Variants in APOLD1 observed in about 807,000 individuals in gnomAD.
The protein encoded by APOLD1 is apolipoprotein L domain-containing protein 1.
A neutral mutation model predicts 15.3 loss-of-function variants in APOLD1; 22 were observed. The observed-to-expected ratio is 1.44, with a 90% confidence interval of 1.03 to 2.05. The LOEUF (loss-of-function observed/expected upper bound fraction) is 2.05. Ranked by LOEUF, APOLD1 falls within the 30% of genes most tolerant of loss-of-function variation. The pLI, the probability that APOLD1 is intolerant of heterozygous loss-of-function variation, is 0.00. For synonymous variants in APOLD1, 190 were observed against 167.4 expected (o/e 1.13, Z -1.04); for missense variants, 394 against 353.5 (o/e 1.11, Z -0.92).
intron 1 of APOLD1, among the ~76,000 whole-genome samples, chr12:12,746,233 C>A (rs1246634913): frequency 6.6e-6 from 1 of 152,224 alleles, no homozygotes; most frequent in South Asian, 2.1e-4. Flanking sequence ...CAGTGGCTCA[C>A]GCCTGTAATC....
At chr12:12,784,717 C>T (rs184560676), upstream of APOLD1, among the ~76,000 whole-genome samples, 13 of 152,232 alleles carry the variant, frequency 8.5e-5, no homozygotes, top group Admixed American at 7.8e-4. Flanking sequence ...GATTTGGGGA[C>T]ATGTAGTAGG....
chr12:12,747,806 AG>A (rs1311165165), intron 1 of APOLD1, among the ~76,000 whole-genome samples: 3 of 152,248 alleles, frequency 2.0e-5, no homozygotes, highest in Non-Finnish European at 2.9e-5. Flanking sequence ...GGGAGAAGCA[AG>A]TGAACACACA....
At chr12:12,747,776 A>G (rs1434888523) in intron 1 of APOLD1, among the ~76,000 whole-genome samples, 1 of 152,242 alleles carries the variant, frequency 6.6e-6, no homozygotes, top group East Asian at 1.9e-4. Flanking sequence ...AATGTAAGAA[A>G]AAAGGAAGGA....
At chr12:12,739,408 T>C (rs974316110) in intron 1 of APOLD1, among the ~76,000 whole-genome samples, 8 of 152,204 alleles carry the variant, frequency 5.3e-5, no homozygotes, top group Admixed American at 4.6e-4. Flanking sequence ...GAAGTTACTA[T>C]GTTTTCTGAA....
At position 12,761,828 on chromosome 12, in the gene APOLD1, T is replaced by TAGAGAGAGAGAGAGAG. The variant is rs1335110034; in HGVS notation, c.97-25080_97-25079insGAGAGAGAGAGAGAGA. 3.2e-3 allele frequency among the ~76,000 whole-genome samples: 66 copies of TAGAGAGAGAGAGAGAG among 20,680 alleles called. No homozygotes were observed. The Middle Eastern group carries it at 0.065, about 20-fold the overall frequency. The allele number at this position is 20,680 out of a possible 152,430, so 13.6% of individuals were successfully genotyped here. A position where few individuals can be genotyped will look rare whatever the true frequency, so the allele number is the denominator to read the frequency against. On this transcript the variant is annotated intron_variant, in intron 1 of 1. Transcript: ENST00000326765. ...ATGAACATATACATATATGTATATG[T>TAGAGAGAGAGAGAGAG]ATAGAGAGAGAGAGAGAGAGAGAGA...
chr12:12,773,585 A>C (rs979153169), intron 1 of APOLD1, among the ~76,000 whole-genome samples: 5 of 152,190 alleles, frequency 3.3e-5, no homozygotes, highest in African/African-American at 9.7e-5. Context: ...GTAGGAGAAA[A>C]GATTATAAAA....
chr12:12,729,698 C>T (rs549684722), intron 1 of APOLD1, among the ~76,000 whole-genome samples: 16 of 151,868 alleles, frequency 1.1e-4, no homozygotes, highest in East Asian at 5.8e-4. Flanking sequence ...AGTTCAGGGC[C>T]GCAGCTCAGG....
At position 12,790,703 on chromosome 12, in the gene APOLD1, C is replaced by G. The variant is rs2136405381; in HGVS notation, c.*3051C>G. The G allele has an allele frequency of 6.6e-6, 1 of 152,284 alleles. No individual in the cohort carries two copies. The highest frequency in any genetic ancestry group is 2.4e-5 in the African/African-American group (1 of 41,540). 9.4% of individuals were successfully genotyped at this position (152,284 alleles called of 1,614,324 possible). ...AATACATTTGAATAATTATAATTAA[C>G]TGTTTAGCTATCTTAATGAGAATTT... On this transcript the variant is annotated 3_prime_UTR_variant, in exon 2 of 2. Transcript: ENST00000356591.
intron 1 of APOLD1, among the ~76,000 whole-genome samples, chr12:12,786,236 G>A (rs1037576651): frequency 6.6e-6 from 1 of 152,120 alleles, no homozygotes; most frequent in African/African-American, 2.4e-5. Flanking sequence ...CAAGCACCCA[G>A]CAAAGACTGA....
intron 1 of APOLD1, among the ~76,000 whole-genome samples, chr12:12,728,597 G>T (rs1345640955): frequency 6.8e-6 from 1 of 146,526 alleles, no homozygotes; most frequent in Non-Finnish European, 1.5e-5. Context: ...GAGCCTGGAA[G>T]GCTGAGGTTG....
At chr12:12,729,741 C>G (rs1176104115) in intron 1 of APOLD1, among the ~76,000 whole-genome samples, 1 of 151,932 alleles carries the variant, frequency 6.6e-6, no homozygotes, top group African/African-American at 2.4e-5. Flanking sequence ...TACTGCACTC[C>G]AGCCTGGCAG....
intron 1 of APOLD1, among the ~76,000 whole-genome samples, chr12:12,750,013 T>G (rs1946797633): frequency 6.6e-6 from 1 of 152,098 alleles, no homozygotes; most frequent in South Asian, 2.1e-4. Flanking sequence ...GCTGTACTTG[T>G]CAAAAGATCC....
intron 1 of APOLD1, among the ~76,000 whole-genome samples, chr12:12,769,949 T>C (rs185026853): frequency 1.3e-5 from 2 of 152,238 alleles, no homozygotes; most frequent in East Asian, 3.9e-4. Flanking sequence ...CAAAACATCA[T>C]GCCTGGCTAT....
At chr12:12,740,340 C>T (rs1946721752) in intron 1 of APOLD1, among the ~76,000 whole-genome samples, 1 of 152,188 alleles carries the variant, frequency 6.6e-6, no homozygotes, top group South Asian at 2.1e-4. Flanking sequence ...TGGTCTTGAA[C>T]TCCTGACCTC....
intron 1 of APOLD1, among the ~76,000 whole-genome samples, chr12:12,747,946 T>A (rs1946779367): frequency 6.6e-6 from 1 of 152,146 alleles, no homozygotes; most frequent in Non-Finnish European, 1.5e-5. Context: ...TAGGTTTTTG[T>A]GGTGGTGCAT....
At chr12:12,749,962 C>A (rs7302962) in intron 1 of APOLD1, among the ~76,000 whole-genome samples, 42,576 of 151,910 alleles carry the variant, frequency 0.28, 6,223 homozygotes, top group Middle Eastern at 0.38. Context: ...GACTTGGAGG[C>A]CCTGAAGGAA....
upstream of APOLD1, among the ~76,000 whole-genome samples, chr12:12,781,375 C>A (rs559665646): frequency 6.6e-6 from 1 of 151,952 alleles, no homozygotes; most frequent in Non-Finnish European, 1.5e-5. Context: ...ACCTGGGAGG[C>A]GGAGGTTGCA....
intron 1 of APOLD1, among the ~76,000 whole-genome samples, chr12:12,752,517 C>T (rs1946819665): frequency 6.6e-6 from 1 of 152,108 alleles, no homozygotes; most frequent in Non-Finnish European, 1.5e-5. Flanking sequence ...GCTCATCACT[C>T]AGGCATGACA....
chr12:12,784,074 G>A (rs1253365502), upstream of APOLD1, among the ~76,000 whole-genome samples: 1 of 152,122 alleles, frequency 6.6e-6, no homozygotes, highest in East Asian at 1.9e-4. Context: ...TATGGGCTGA[G>A]GTCAGTATAC....
Sources: allele counts gnomAD v4.1 joint callset (sites outside exome capture counted in the v4.1 genomes callset), GRCh38; gene constraint gnomAD v4.1.1; transcripts MANE v1.5; gene names NCBI Gene and HGNC (gene_info 2026-07-23, HGNC 2026-07-21).